TENM2: variants seen among roughly 807,000 people sequenced by gnomAD.
TENM2 encodes teneurin-2.
Under a neutral mutation model 245.2 loss-of-function variants are expected in TENM2, and 52 were observed. The observed-to-expected ratio is 0.21, with a 90% CI of 0.17 to 0.27. TENM2 has a LOEUF of 0.27. Ranked by LOEUF, TENM2 falls within the 10% of genes least tolerant of loss-of-function variation. The probability of loss-of-function intolerance (pLI) is 1.00; values close to 1 mark genes in which losing one functional copy is unlikely to be tolerated. For missense variants in TENM2, 3,046 were observed against 3,666.8 expected, an observed-to-expected ratio of 0.83 and a Z score of 4.37; for synonymous variants, 1,363 against 1,438.9, an observed-to-expected ratio of 0.95 and a Z score of 1.19.
intron 13 of TENM2, among the ~76,000 whole-genome samples, chr5:168,177,662 C>A (rs891790164): frequency 6.6e-6 from 1 of 152,136 alleles, no homozygotes; most frequent in African/African-American, 2.4e-5. Context: ...TATAGCAAGA[C>A]CTTGTCTCTA....
chr5:167,070,850 T>G, the TENM2 span, among the ~76,000 whole-genome samples: 1 of 152,172 alleles, frequency 6.6e-6, no homozygotes, highest in African/African-American at 2.4e-5. Context: ...CTTTTAAATG[T>G]TTTAAATTTA....
chr5:167,978,877 G>A (rs1285190400), intron 4 of TENM2, among the ~76,000 whole-genome samples: 1 of 152,076 alleles, frequency 6.6e-6, no homozygotes, highest in Non-Finnish European at 1.5e-5. Context: ...TGTATAAAAC[G>A]TCTACTCAAG....
At chr5:167,576,080 C>A (rs932412581) in intron 2 of TENM2, among the ~76,000 whole-genome samples, 14 of 152,154 alleles carry the variant, frequency 9.2e-5, no homozygotes, top group African/African-American at 3.4e-4. Context: ...ATGACTTCTT[C>A]CAGGTGAGGC....
intron 2 of TENM2, among the ~76,000 whole-genome samples, chr5:167,733,862 TA>T (rs34570678): frequency 0.027 from 4,061 of 152,252 alleles, 319 homozygotes; most frequent in East Asian, 0.25. Context: ...AGTCACTCCA[TA>T]TGCATAGTGC....
chr5:168,149,241 G>A (rs906733716), intron 12 of TENM2, among the ~76,000 whole-genome samples: 1 of 152,118 alleles, frequency 6.6e-6, no homozygotes, highest in African/African-American at 2.4e-5. Flanking sequence ...TCCACTCTCA[G>A]CCATGTCTGT....
chr5:167,939,522 G>A (rs1779002247), intron 3 of TENM2, among the ~76,000 whole-genome samples: 1 of 152,184 alleles, frequency 6.6e-6, no homozygotes, highest in Non-Finnish European at 1.5e-5. Context: ...GTATAAATCA[G>A]AGAAGCTTAT....
chr5:166,980,969 A>C, the TENM2 span, among the ~76,000 whole-genome samples: 5 of 152,220 alleles, frequency 3.3e-5, no homozygotes, highest in Admixed American at 1.3e-4. Context: ...TAATACTCTT[A>C]AACTTTGTTT....
At chr5:167,436,638 G>A (rs563418680) in intron 2 of TENM2, among the ~76,000 whole-genome samples, 28 of 152,264 alleles carry the variant, frequency 1.8e-4, no homozygotes, top group African/African-American at 6.5e-4. Context: ...AAAGCAGCCT[G>A]TCCCATCACA....
chr5:167,488,424 A>G (rs1234332471), intron 2 of TENM2, among the ~76,000 whole-genome samples: 1 of 152,144 alleles, frequency 6.6e-6, no homozygotes, highest in Non-Finnish European at 1.5e-5. Flanking sequence ...CCAATTGCCT[A>G]TTCTTAGTCT....
intron 2 of TENM2, chr5:167,653,179 CA>C (rs918813337): frequency 1.2e-4 from 19 of 152,170 alleles, no homozygotes; most frequent in Admixed American, 9.2e-4. Context: ...CACTCACACA[CA>C]AGTATTAAGT....
intron 3 of TENM2, among the ~76,000 whole-genome samples, chr5:167,933,288 T>G (rs569900028): frequency 2.0e-5 from 3 of 152,208 alleles, no homozygotes; most frequent in Non-Finnish European, 4.4e-5. Flanking sequence ...AAATTAAATG[T>G]TTTTTTAAAC....
chr5:167,006,564 G>A, the TENM2 span, among the ~76,000 whole-genome samples: 2 of 152,094 alleles, frequency 1.3e-5, no homozygotes, highest in Non-Finnish European at 2.9e-5. Context: ...TCTAAGCATG[G>A]ATACATATGT....
the TENM2 span, among the ~76,000 whole-genome samples, chr5:167,144,110 C>G: frequency 6.6e-6 from 1 of 152,066 alleles, no homozygotes; most frequent in Non-Finnish European, 1.5e-5. Context: ...AGCTTAGTTT[C>G]CCCAAACGGG....
At chr5:167,581,476 C>G (rs559124854) in intron 2 of TENM2, among the ~76,000 whole-genome samples, 1 of 152,204 alleles carries the variant, frequency 6.6e-6, no homozygotes, top group East Asian at 1.9e-4. Flanking sequence ...TAATATAGTA[C>G]ATAAACTGAA....
At chr5:167,245,540 G>A in the TENM2 span, among the ~76,000 whole-genome samples, 13 of 150,330 alleles carry the variant, frequency 8.6e-5, no homozygotes, top group African/African-American at 2.9e-4. Flanking sequence ...GTATCCTCAG[G>A]AAATGAACAG....
chr5:168,182,506 G>A (rs553483543), intron 13 of TENM2, among the ~76,000 whole-genome samples: 5 of 152,254 alleles, frequency 3.3e-5, no homozygotes, highest in East Asian at 1.9e-4. Flanking sequence ...ATTCAGTCAC[G>A]TGCCCAAGAT....
the TENM2 span, among the ~76,000 whole-genome samples, chr5:167,256,205 C>T: frequency 6.6e-6 from 1 of 152,140 alleles, no homozygotes; most frequent in Non-Finnish European, 1.5e-5. Context: ...GAATGAGCTT[C>T]ATATTGTCTG....
chr5:167,741,374 A>C (rs1214327207), intron 2 of TENM2, among the ~76,000 whole-genome samples: 2 of 152,222 alleles, frequency 1.3e-5, no homozygotes, highest in Non-Finnish European at 2.9e-5. Flanking sequence ...GAGAGGAAAA[A>C]TAAGATTCAT....
At chr5:167,572,225 G>A (rs149648189) in intron 2 of TENM2, among the ~76,000 whole-genome samples, 1 of 152,278 alleles carries the variant, frequency 6.6e-6, no homozygotes, top group East Asian at 1.9e-4. Context: ...TCCCTCTTTG[G>A]GCACAGCAAT....
Sources: allele counts gnomAD v4.1 joint callset (sites outside exome capture counted in the v4.1 genomes callset), GRCh38; gene constraint gnomAD v4.1.1; transcripts MANE v1.5; gene names NCBI Gene and HGNC (gene_info 2026-07-23, HGNC 2026-07-21).